The following RYR2 variants were observed in gnomAD, a reference collection of about 807,000 sequenced individuals.
RYR2 encodes ryanodine receptor 2, also known as cardiac muscle ryanodine receptor-calcium release channel.
A neutral mutation model predicts 601.1 loss-of-function variants in RYR2; 227 were observed. The ratio of observed to expected loss-of-function variants is 0.38; its 90% CI spans 0.34 to 0.42. The LOEUF is 0.42. Among genes scored for constraint, RYR2 ranks in the 10% least tolerant of loss-of-function variants. The probability of loss-of-function intolerance (pLI) is 1.00; values close to 1 mark genes in which losing one functional copy is unlikely to be tolerated. For synonymous variants in RYR2, 2,223 were observed against 2,175.1 expected, an observed-to-expected ratio of 1.02 and a Z score of -0.61; for missense variants, 4,646 against 6,156.5, an observed-to-expected ratio of 0.75 and a Z score of 8.21.
chr1:237,409,990 A>G (rs977403902), intron 10 of RYR2, among the ~76,000 whole-genome samples: 4 of 152,190 alleles, frequency 2.6e-5, no homozygotes, highest in Non-Finnish European at 4.4e-5. Context: ...TTGACAAAAA[A>G]TGAAACCAGA....
rs1678545008 is a variant in RYR2 at position 237,180,217 on chromosome 1, G to A, written c.49-90280G>A. Among the ~76,000 whole-genome samples the A allele has an allele frequency of 6.6e-6, 1 of 150,976 alleles. No individual in the cohort carries two copies. Among genetic ancestry groups the A allele is most frequent in the South Asian group, 2.1e-4 (1 of 4,828 alleles). ...CAGGTCAGGAAGGCGAGGCTCCTGG[G>A]GCTGGCTAGAGGACAGACAGGGGTG... On this transcript the variant is annotated intron_variant, in intron 1 of 104. Coordinates refer to ENST00000366574, the MANE Select transcript of RYR2 (RefSeq NM_001035.3). This position sits in a 1 kb window ranked among gnomAD's most constrained non-coding sequence, Gnocchi z 5.3.
chr1:237,544,150 A>G lies in RYR2; in HGVS notation c.2907-4281A>G, dbSNP rs762217136. Among the ~76,000 whole-genome samples the G allele has an allele frequency of 1.3e-4, 20 of 152,326 alleles. No individual in the cohort carries two copies. In the Middle Eastern group the frequency reaches 0.01, roughly 78 times the overall value. Reference sequence around the variant, plus strand: ...GTTGCCAAAATAAAACTAAGAGCTAATAACTATAAAAGTATTTTGATACTT... The same window carrying G: ...GTTGCCAAAATAAAACTAAGAGCTAGTAACTATAAAAGTATTTTGATACTT... On this transcript the variant is annotated intron_variant, in intron 25 of 104. Transcript: ENST00000366574.
intron 3 of RYR2, among the ~76,000 whole-genome samples, chr1:237,342,627 T>C (rs1697926817): frequency 6.6e-6 from 1 of 152,186 alleles, no homozygotes; most frequent in Non-Finnish European, 1.5e-5. Context: ...GTACTCGTAG[T>C]ACAAACTGAT....
intron 1 of RYR2, among the ~76,000 whole-genome samples, chr1:237,053,733 G>A (rs1298972258): frequency 6.6e-6 from 1 of 152,138 alleles, no homozygotes; most frequent in Non-Finnish European, 1.5e-5. Flanking sequence ...AGGGAATAAG[G>A]AAAACGCAAA....
chr1:237,064,833 G>A lies in RYR2; in HGVS notation c.48+22264G>A, dbSNP rs191972142. On this transcript the variant is annotated intron_variant, in intron 1 of 104. Coordinates refer to ENST00000366574, the MANE Select transcript of RYR2 (RefSeq NM_001035.3). ...TCTCAATTCAGTATATTGCATGCAA[G>A]CCCATCACATCCTATGATTTGGTTG... Among the ~76,000 whole-genome samples, 716 of 137,176 alleles carry A rather than the reference G, an allele frequency of 5.2e-3. 10 individuals are homozygous for A. Among genetic ancestry groups the A allele is most frequent in the African/African-American group, 0.019 (664 of 35,732 alleles). 90.0% of individuals were successfully genotyped at this position (137,176 alleles called of 152,430 possible).
intron 28 of RYR2, among the ~76,000 whole-genome samples, chr1:237,568,375 GA>G (rs1672313925): frequency 6.6e-6 from 1 of 152,066 alleles, no homozygotes; most frequent in African/African-American, 2.4e-5. Context: ...AGATTTATCT[GA>G]AAAAAAAATT....
chr1:237,619,840 A>T (rs1426349180), intron 38 of RYR2, among the ~76,000 whole-genome samples: 1 of 152,176 alleles, frequency 6.6e-6, no homozygotes, highest in Non-Finnish European at 1.5e-5. Flanking sequence ...ATCACCTCAG[A>T]GTTCTATGTA....
chr1:237,534,410 T>C (rs1406467583), intron 25 of RYR2, among the ~76,000 whole-genome samples: 1 of 152,046 alleles, frequency 6.6e-6, no homozygotes, highest in Admixed American at 6.6e-5. Context: ...CTGATATGTG[T>C]AACAGATAAA....
At position 237,065,668 on chromosome 1, in the gene RYR2, G is replaced by T. The variant is rs1438491954; in HGVS notation, c.48+23099G>T. 2.0e-5 allele frequency among the ~76,000 whole-genome samples: 3 copies of T among 152,066 alleles called. No homozygotes were observed. The East Asian group carries it at 5.8e-4, about 29-fold the overall frequency. On this transcript the variant is annotated intron_variant, in intron 1 of 104. Coordinates refer to ENST00000366574, the MANE Select transcript of RYR2 (RefSeq NM_001035.3). ...AGCCACTGTTTTGTTCTCCATCTCT[G>T]TAATTTTGTCATTTTGACAATGTAA...
chr1:237,731,918 A>C (rs751885596), intron 77 of RYR2, 128 bp from the exon 78 acceptor site: 41 of 607,184 alleles, frequency 6.8e-5, no homozygotes, highest in Admixed American at 3.0e-4. Context: ...ACACACACAC[A>C]CCCCACAACA....
At chr1:237,787,003 T>C (rs1199734435) in intron 91 of RYR2, among the ~76,000 whole-genome samples, 1 of 152,040 alleles carries the variant, frequency 6.6e-6, no homozygotes, top group Non-Finnish European at 1.5e-5. Flanking sequence ...TGAGTTAAGA[T>C]TAAGTATAGC....
At chr1:237,593,149 G>C (rs185578474) in intron 32 of RYR2, among the ~76,000 whole-genome samples, 29 of 152,048 alleles carry the variant, frequency 1.9e-4, no homozygotes, top group African/African-American at 6.5e-4. Flanking sequence ...ACATATATAT[G>C]TATGTGTGTA....
chr1:237,413,280 A>C (rs1315231299), intron 10 of RYR2, among the ~76,000 whole-genome samples: 2 of 152,190 alleles, frequency 1.3e-5, no homozygotes, highest in African/African-American at 2.4e-5. Context: ...AAGAGGAACA[A>C]TTCAGGGCAC....
chr1:237,137,383 C>T (rs550766303), intron 1 of RYR2, among the ~76,000 whole-genome samples: 16 of 152,258 alleles, frequency 1.1e-4, no homozygotes, highest in Non-Finnish European at 1.9e-4. Context: ...GGGGGCATAA[C>T]AGTGCAGATG....
chr1:237,830,706 G>C, intron 103 of RYR2, 76 bp downstream of exon 103: 1 of 706,554 alleles, frequency 1.4e-6, no homozygotes, highest in East Asian at 2.6e-5. Flanking sequence ...GAATAGAGAG[G>C]AAGTTTTTGT....
chr1:237,253,308 C>A (rs1687655946), intron 1 of RYR2, among the ~76,000 whole-genome samples: 2 of 152,172 alleles, frequency 1.3e-5, no homozygotes, highest in South Asian at 4.1e-4. Context: ...GGTCATGCCA[C>A]TAGACCCCAC....
intron 92 of RYR2, among the ~76,000 whole-genome samples, chr1:237,790,983 C>CCTAA (rs1184639494): frequency 6.6e-6 from 1 of 151,940 alleles, no homozygotes; most frequent in Non-Finnish European, 1.5e-5. Context: ...CAACATCACT[C>CCTAA]CTAACTCAGG....
In RYR2 at chr1:237,593,729, A is replaced by G. The variant is rs534859636; in HGVS notation, c.4436+93A>G. On this transcript the variant is annotated intron_variant, in intron 33 of 104. Coordinates refer to ENST00000366574, the MANE Select transcript of RYR2 (RefSeq NM_001035.3). ...TTTCCTTGTATTTTGTGACCAAGGT[A>G]TTTCTATTTATAGGAAGAATATAAT... 493 of 1,247,340 alleles carry G rather than the reference A, an allele frequency of 4.0e-4. 1 individual carries two copies. The highest frequency in any genetic ancestry group is 7.7e-4 in the Middle Eastern group (4 of 5,170). 77.3% of individuals were successfully genotyped at this position (1,247,340 alleles called of 1,614,324 possible).
At chr1:237,707,408 A>AT in intron 68 of RYR2, 139 bp downstream of exon 68, 1 of 511,252 alleles carries the variant, frequency 2.0e-6, no homozygotes, top group Non-Finnish European at 3.3e-6. Context: ...TTGTCATGCT[A>AT]TTTTTTAATG....
Sources: gnomAD v4.1 joint callset for allele counts (sites outside exome capture counted in the v4.1 genomes callset) on GRCh38, gnomAD v4.1.1 for gene constraint, Gnocchi (gnomAD v3.1) non-coding constraint, MANE v1.5 for transcripts, NCBI Gene and HGNC (gene_info 2026-07-23, HGNC 2026-07-21) for gene names.